The following UNC79 variants were observed in gnomAD, a reference collection of about 807,000 sequenced individuals.
UNC79 encodes the protein protein unc-79 homolog.
UNC79 carries 37 observed loss-of-function variants against 283.1 expected under a neutral mutation model. The observed-to-expected ratio is 0.13, with a 90% confidence interval of 0.10 to 0.17. The LOEUF (loss-of-function observed/expected upper bound fraction) is 0.17. Ranked by LOEUF, UNC79 falls within the 10% of genes least tolerant of loss-of-function variation. The probability of loss-of-function intolerance (pLI) is 1.00; values close to 1 mark genes in which losing one functional copy is unlikely to be tolerated. For missense variants in UNC79, 2,272 were observed against 3,211.1 expected (o/e 0.71, Z 7.07); for synonymous variants, 1,107 against 1,200.2 (o/e 0.92, Z 1.61).
Position 93,377,387 on chromosome 14 carries a change from C to T in UNC79, c.-351+43864C>T, listed in dbSNP as rs141467373. Among the ~76,000 whole-genome samples, 408 of 152,174 alleles carry T rather than the reference C, an allele frequency of 2.7e-3. 1 individual carries two copies. Among genetic ancestry groups the T allele is most frequent in the African/African-American group, 9.3e-3 (386 of 41,522 alleles). ...GGGATTACAGGTGTGAGCCACTGTG[C>T]CTGGCCGAGAATAGTTGTTTCTTAA... On this transcript the variant is annotated intron_variant, in intron 1 of 49. Transcript: ENST00000256339.
At chr14:93,660,563 A>ATATGTGTGTGTGTGTGTG (rs1203621990) in intron 39 of UNC79, among the ~76,000 whole-genome samples, 1 of 64,776 alleles carries the variant, frequency 1.5e-5, no homozygotes, top group African/African-American at 6.4e-5. Context: ...ATATATATAT[A>ATATGTGTGTGTGTGTGTG]TGTGTGTGTG....
At chr14:93,612,821 A>G (rs1394892168) in exon 27 of UNC79, 6 of 1,613,858 alleles carry the variant, frequency 3.7e-6, no homozygotes, top group Non-Finnish European at 5.1e-6. Context: ...GAGAATGACA[A>G]CACCATCAAG....
At chr14:93,363,026 G>C (rs1470345042) in intron 1 of UNC79, among the ~76,000 whole-genome samples, 1 of 151,892 alleles carries the variant, frequency 6.6e-6, no homozygotes, top group African/African-American at 2.4e-5. Flanking sequence ...GTTTCCTTTT[G>C]TTTTTCTAGT....
chr14:93,400,714 G>T (rs1314884825), intron 1 of UNC79, among the ~76,000 whole-genome samples: 1 of 152,182 alleles, frequency 6.6e-6, no homozygotes, highest in Non-Finnish European at 1.5e-5. Context: ...TCTAAATCAT[G>T]CTGGGAGCAG....
chr14:93,647,896 C>T (rs946269412), intron 35 of UNC79, among the ~76,000 whole-genome samples: 1 of 152,198 alleles, frequency 6.6e-6, no homozygotes, highest in Admixed American at 6.5e-5. Flanking sequence ...ACATGGCAGC[C>T]AGCAAAGAGA....
Position 93,558,349 on chromosome 14 carries a change from G to A in UNC79, c.1756-13545G>A, listed in dbSNP as rs190022264. Among the ~76,000 whole-genome samples the A allele has an allele frequency of 1.9e-3, 290 of 152,288 alleles. 1 individual carries two copies. The highest frequency in any genetic ancestry group is 6.4e-3 in the African/African-American group (268 of 41,554). ...AGGCGGGCAGATCATGAGGTCAGGA[G>A]ATCGAGACCATCCTGGCTAACACGG... On this transcript the variant is annotated intron_variant, in intron 14 of 48. Coordinates refer to ENST00000555664, the Ensembl canonical transcript of UNC79.
At chr14:93,504,957 TAGA>T (rs1272627270) in intron 7 of UNC79, among the ~76,000 whole-genome samples, 2 of 152,086 alleles carry the variant, frequency 1.3e-5, no homozygotes, top group Non-Finnish European at 2.9e-5. Context: ...ATGGGTCATT[TAGA>T]AGGAGATTTA....
At chr14:93,350,005 C>T (rs1441404280) in intron 1 of UNC79, among the ~76,000 whole-genome samples, 1 of 152,042 alleles carries the variant, frequency 6.6e-6, no homozygotes, top group African/African-American at 2.4e-5. Flanking sequence ...ATTTTAAAAT[C>T]GTAAAATTAT....
intron 1 of UNC79, among the ~76,000 whole-genome samples, chr14:93,375,480 A>G (rs1189137764): frequency 2.0e-5 from 3 of 152,244 alleles, no homozygotes; most frequent in Non-Finnish European, 4.4e-5. Flanking sequence ...TAATGGATTA[A>G]TAGGTGTATT....
rs189096334 is a variant in UNC79 at position 93,677,700 on chromosome 14, A to T, written c.6741+4245A>T. Among the ~76,000 whole-genome samples the T allele has an allele frequency of 3.9e-5, 6 of 152,152 alleles. No individual in the cohort carries two copies. In the East Asian group the frequency reaches 1.2e-3, roughly 29 times the overall value. ...AGGCTTGCTCTGTCACCCAGGCTGG[A>T]GTGCAATGGTGCAATCTCAGCTCAC... On this transcript the variant is annotated intron_variant, in intron 41 of 48. Coordinates refer to ENST00000555664, the Ensembl canonical transcript of UNC79.
intron 1 of UNC79, among the ~76,000 whole-genome samples, chr14:93,435,424 G>A (rs1010129836): frequency 6.6e-6 from 1 of 151,830 alleles, no homozygotes; most frequent in Admixed American, 6.6e-5. Flanking sequence ...AATTAGCTTC[G>A]CACAGGAATC....
At position 93,630,669 on chromosome 14, in the gene UNC79, G is replaced by A. The variant is rs191208445; in HGVS notation, c.5609-132G>A. On this transcript the variant is annotated intron_variant, in intron 30 of 48. Transcript: ENST00000555664. ...CTAGTGTATATGTAATTCCATGAAA[G>A]TAATTATTAGGCCAGGAAAGTGTAT... The A allele has an allele frequency of 1.0e-4, 68 of 664,782 alleles. 1 individual carries two copies. In the Admixed American group the frequency reaches 1.8e-3, roughly 18 times the overall value. 41.2% of individuals were successfully genotyped at this position (664,782 alleles called of 1,614,324 possible). A position where few individuals can be genotyped will look rare whatever the true frequency, so the allele number is the denominator to read the frequency against.
At chr14:93,520,047 T>C (rs2060250023) in intron 7 of UNC79, among the ~76,000 whole-genome samples, 1 of 151,968 alleles carries the variant, frequency 6.6e-6, no homozygotes, top group South Asian at 2.1e-4. Flanking sequence ...CATTTTCCTT[T>C]AGCCCGAAAA....
intron 7 of UNC79, among the ~76,000 whole-genome samples, chr14:93,510,925 A>T (rs1430258805): frequency 6.6e-6 from 1 of 152,306 alleles, no homozygotes; most frequent in African/African-American, 2.4e-5. Context: ...GTTTGTTCAC[A>T]CACTGCTATA....
intron 43 of UNC79, among the ~76,000 whole-genome samples, chr14:93,687,338 AG>A (rs1312954694): frequency 6.6e-6 from 1 of 152,208 alleles, no homozygotes; most frequent in Non-Finnish European, 1.5e-5. Context: ...GAGTTTTTGC[AG>A]GGTGGAATGA....
chr14:93,357,949 A>G (rs1270390816), intron 1 of UNC79, among the ~76,000 whole-genome samples: 1 of 123,996 alleles, frequency 8.1e-6, no homozygotes, highest in Admixed American at 8.8e-5. Context: ...ATATGGAGAT[A>G]TATATCTATA....
intron 1 of UNC79, among the ~76,000 whole-genome samples, chr14:93,440,066 A>G (rs2056236713): frequency 6.6e-6 from 1 of 152,150 alleles, no homozygotes; most frequent in African/African-American, 2.4e-5. Flanking sequence ...TAGTACAATA[A>G]AAAAATACAG....
intron 40 of UNC79, among the ~76,000 whole-genome samples, chr14:93,666,307 A>G (rs1003677756): frequency 6.6e-6 from 1 of 152,168 alleles, no homozygotes; most frequent in African/African-American, 2.4e-5. Flanking sequence ...CACACGTAGG[A>G]TGACAGAATC....
chr14:93,438,398 A>G (rs752451761), intron 1 of UNC79, among the ~76,000 whole-genome samples: 9 of 152,178 alleles, frequency 5.9e-5, no homozygotes, highest in Admixed American at 2.0e-4. Context: ...CTCCAAGTGC[A>G]TCCTACTTTG....
Sources: allele counts gnomAD v4.1 joint callset (sites outside exome capture counted in the v4.1 genomes callset), GRCh38; gene constraint gnomAD v4.1.1; transcripts MANE v1.5; gene names NCBI Gene and HGNC (gene_info 2026-07-23, HGNC 2026-07-21).